The following POC1B variants were observed in gnomAD, a reference collection of about 807,000 sequenced individuals.
The protein encoded by POC1B is POC1 centriolar protein homolog B.
POC1B carries 44 observed loss-of-function variants against 60.6 expected under a neutral mutation model. The observed-to-expected ratio is 0.73, with a 90% confidence interval of 0.57 to 0.93. POC1B has a LOEUF of 0.93. Among genes scored for constraint, POC1B ranks in the 40% least tolerant of loss-of-function variants. POC1B has a pLI of 0.00. For missense variants in POC1B, 555 were observed against 572.3 expected (o/e 0.97, Z 0.31); for synonymous variants, 180 against 198.9 (o/e 0.90, Z 0.80).
chr12:89,524,080 C>T (rs1871187549), intron 2 of POC1B: 3 of 1,613,908 alleles, frequency 1.9e-6, no homozygotes, highest in Non-Finnish European at 2.5e-6. Flanking sequence ...TTCTAAAACA[C>T]TGTGAATGGT....
chr12:89,464,341 T>C (rs892313725), intron 9 of POC1B, among the ~76,000 whole-genome samples: 1 of 152,152 alleles, frequency 6.6e-6, no homozygotes, highest in Non-Finnish European at 1.5e-5. Flanking sequence ...AACTAAGTAG[T>C]CTTTGGCTTA....
Position 89,500,131 on chromosome 12 carries a change from CAGA to C in POC1B, c.101-2792_101-2790del, listed in dbSNP as rs1159996069. 6.2e-5 allele frequency: 95 copies of C among 1,526,068 alleles called. No homozygotes were observed. The East Asian group carries it at 7.5e-4, about 12-fold the overall frequency. 94.5% of individuals were successfully genotyped at this position (1,526,068 alleles called of 1,614,324 possible). A position where few individuals can be genotyped will look rare whatever the true frequency, so the allele number is the denominator to read the frequency against. On this transcript the variant is annotated intron_variant, in intron 2 of 11. Transcript: ENST00000313546. ...GTCTGGATCATCTCAAAAATGGCTA[CAGA>C]AGAAGATTTTGTCAACCTTCCAGGG...
intron 9 of POC1B, among the ~76,000 whole-genome samples, chr12:89,464,866 T>C (rs567874529): frequency 6.6e-6 from 1 of 152,144 alleles, no homozygotes; most frequent in South Asian, 2.1e-4. Context: ...CCTATCACTC[T>C]TCTGGCATTT....
chr12:89,457,460 A>G (rs1421829611), intron 10 of POC1B, among the ~76,000 whole-genome samples: 2 of 152,248 alleles, frequency 1.3e-5, no homozygotes, highest in Non-Finnish European at 2.9e-5. Context: ...ATGAGAATCT[A>G]TGTCTTCAGA....
chr12:89,525,341 G>C, intron 1 of POC1B, 137 bp from the exon 2 acceptor site: 2 of 1,437,348 alleles, frequency 1.4e-6, no homozygotes. Context: ...CGGCGGGGCC[G>C]GGCAGCAGCC....
chr12:89,405,708 A>C, the POC1B span, among the ~76,000 whole-genome samples: 2 of 152,086 alleles, frequency 1.3e-5, no homozygotes, highest in Non-Finnish European at 2.9e-5. Flanking sequence ...GTAATCCTGC[A>C]CTATGGGAGG....
intron 10 of POC1B, among the ~76,000 whole-genome samples, chr12:89,455,359 A>G (rs1189183028): frequency 6.6e-6 from 1 of 152,176 alleles, no homozygotes; most frequent in African/African-American, 2.4e-5. Context: ...AAAAAAGAAA[A>G]AAAGAACTGG....
chr12:89,501,528 A>T (rs1445648970), intron 2 of POC1B: 10 of 1,078,902 alleles, frequency 9.3e-6, no homozygotes, highest in Non-Finnish European at 1.3e-5. Context: ...GTGCTTCCAA[A>T]ATACAGATGC....
intron 2 of POC1B, among the ~76,000 whole-genome samples, chr12:89,498,990 A>G (rs1249664240): frequency 6.6e-6 from 1 of 152,190 alleles, no homozygotes; most frequent in Non-Finnish European, 1.5e-5. Context: ...ACATTTGAGC[A>G]GAGAGGTGAG....
intron 10 of POC1B, among the ~76,000 whole-genome samples, chr12:89,435,070 C>A (rs1327333765): frequency 6.6e-6 from 1 of 150,658 alleles, no homozygotes; most frequent in Non-Finnish European, 1.5e-5. Context: ...TAACATCAAA[C>A]AATTAGATCT....
downstream of POC1B, chr12:89,419,682 T>A (rs1272817242): frequency 1.3e-5 from 2 of 152,208 alleles, no homozygotes; most frequent in Non-Finnish European, 2.9e-5. Flanking sequence ...GTTTAGTACT[T>A]CCGGGTTTTA....
intron 2 of POC1B, among the ~76,000 whole-genome samples, chr12:89,510,102 GC>G (rs1870106839): frequency 6.6e-6 from 1 of 152,108 alleles, no homozygotes; most frequent in African/African-American, 2.4e-5. Context: ...ACCTGCCTTG[GC>G]CCCCCAAAAT....
chr12:89,414,508 G>T, the POC1B span, among the ~76,000 whole-genome samples: 1 of 152,126 alleles, frequency 6.6e-6, no homozygotes, highest in Non-Finnish European at 1.5e-5. Flanking sequence ...GTCACAGTTG[G>T]GGCTTATGGA....
intron 10 of POC1B, among the ~76,000 whole-genome samples, chr12:89,430,871 C>T: frequency 6.6e-6 from 1 of 152,094 alleles, no homozygotes; most frequent in African/African-American, 2.4e-5. Flanking sequence ...GAGCCAATCA[C>T]AAAAAATTAA....
chr12:89,513,264 AAAAG>A (rs1478968519), intron 2 of POC1B, among the ~76,000 whole-genome samples: 68 of 152,012 alleles, frequency 4.5e-4, no homozygotes, highest in African/African-American at 1.6e-3. Context: ...AAAAAAAAAA[AAAAG>A]AATTCTTGGC....
intron 2 of POC1B, chr12:89,523,555 T>C: frequency 1.3e-6 from 2 of 1,598,060 alleles, no homozygotes; most frequent in South Asian, 1.1e-5. Flanking sequence ...TCCCCACACT[T>C]CCATTCCTGT....
At chr12:89,494,894 C>CA (rs1255540791) in intron 3 of POC1B, among the ~76,000 whole-genome samples, 1 of 152,136 alleles carries the variant, frequency 6.6e-6, no homozygotes, top group Admixed American at 6.5e-5. Context: ...ACCATATAAG[C>CA]AAAAGAACTG....
At position 89,443,029 on chromosome 12, in the gene POC1B, G is replaced by A. The variant is rs557017364; in HGVS notation, c.1113+16609C>T. On this transcript the variant is annotated intron_variant, in intron 10 of 11. Transcript: ENST00000313546. ...GAAGGCCATTACATAATGGTCAAGG[G>A]ATCAATCCAACAAGAAGAGCTAACT... Among the ~76,000 whole-genome samples, 70 of 152,290 alleles carry A rather than the reference G, an allele frequency of 4.6e-4. 1 individual carries two copies. Among genetic ancestry groups the A allele is most frequent in the Middle Eastern group, 3.4e-3 (1 of 294 alleles).
At chr12:89,503,251 A>C (rs12366934) in intron 2 of POC1B, among the ~76,000 whole-genome samples, 42,426 of 147,654 alleles carry the variant, frequency 0.29, 6,458 homozygotes, top group Non-Finnish European at 0.35. Context: ...AGTGCCTGCG[A>C]TTGCAGGCAC....
Sources: gnomAD v4.1 joint callset for allele counts (sites outside exome capture counted in the v4.1 genomes callset) on GRCh38, gnomAD v4.1.1 for gene constraint, MANE v1.5 for transcripts, NCBI Gene and HGNC (gene_info 2026-07-23, HGNC 2026-07-21) for gene names.